The following PCM1 variants were observed in gnomAD, a reference collection of about 807,000 sequenced individuals.
PCM1 encodes the protein pericentriolar material 1 protein.
Under a neutral mutation model 241.9 loss-of-function variants are expected in PCM1, and 157 were observed. The ratio of observed to expected loss-of-function variants is 0.65; its 90% CI spans 0.57 to 0.74. The LOEUF is 0.74. PCM1 is among the 30% of genes least tolerant of loss of function. The probability of loss-of-function intolerance (pLI) is 0.00; values close to 1 mark genes in which losing one functional copy is unlikely to be tolerated. For missense variants in PCM1, 3,478 were observed against 2,360.1 expected (o/e 1.47, Z -9.81); for synonymous variants, 1,085 against 784.9 (o/e 1.38, Z -6.39).
At chr8:17,935,752 A>G (rs181007145) in intron 3 of PCM1, 46 bp downstream of exon 3, 1 of 916,970 alleles carries the variant, frequency 1.1e-6, no homozygotes, top group East Asian at 2.5e-5. Context: ...TATTAATGTT[A>G]AAATGCAGTT....
At chr8:17,945,624 A>C (rs2063503581) in intron 6 of PCM1, among the ~76,000 whole-genome samples, 1 of 152,196 alleles carries the variant, frequency 6.6e-6, no homozygotes, top group African/African-American at 2.4e-5. Flanking sequence ...TACCACAGTT[A>C]CTCATGCTCA....
At chr8:18,021,541 G>A (rs2093755154) in intron 36 of PCM1, among the ~76,000 whole-genome samples, 1 of 152,172 alleles carries the variant, frequency 6.6e-6, no homozygotes, top group Non-Finnish European at 1.5e-5. Flanking sequence ...CTTAGGAAAT[G>A]TATTTCCTTT....
At chr8:17,986,293 T>C (rs2082567548) in intron 26 of PCM1, 1 of 368,274 alleles carries the variant, frequency 2.7e-6, no homozygotes. Flanking sequence ...AAATTATGTA[T>C]GTATGATAGA....
At chr8:17,927,481 A>T (rs1261619599) in intron 2 of PCM1, 5 of 152,138 alleles carry the variant, frequency 3.3e-5, no homozygotes, top group Admixed American at 1.3e-4. Context: ...AACTGTAGTC[A>T]TAGGTATTTT....
At chr8:17,938,688 A>T in intron 4 of PCM1, 52 bp from the exon 5 acceptor site, 1 of 1,448,480 alleles carries the variant, frequency 6.9e-7, no homozygotes, top group East Asian at 2.3e-5. Flanking sequence ...TTAAAACAAA[A>T]TTTTGTCATA....
At chr8:17,990,461 G>C (rs1270198576) in intron 27 of PCM1, among the ~76,000 whole-genome samples, 1 of 149,222 alleles carries the variant, frequency 6.7e-6, no homozygotes, top group Non-Finnish European at 1.5e-5. Context: ...AAATGGTTTT[G>C]GTTGTTTTTT....
chr8:18,014,793 C>G lies in PCM1; in HGVS notation c.5794C>G (p.Leu1932Val). 6.2e-7 allele frequency: 1 copy of G among 1,606,380 alleles called. No individual in the cohort carries two copies. The highest frequency in any genetic ancestry group is 2.3e-5 in the East Asian group (1 of 44,320). Residue 1932 changes from leucine to valine, a missense_variant, in exon 36 of 39, where the codon CTG becomes GTG. Physicochemically the swap from Leu to Val is conservative, Grantham distance 32. Coordinates refer to ENST00000325083, the MANE Select transcript of PCM1 (RefSeq NM_006197.4). The stretch of plus-strand genomic sequence containing the variant: ...TGCTCAGGAAACTCCTGAAAGCTCT[C>G]TGGCTGGAAGTCCTGATACTGAATC... ...KSAQETPESS[L>V]AGSPDTESPV...
At chr8:17,962,571 C>T (rs1440890430) in intron 16 of PCM1, among the ~76,000 whole-genome samples, 1 of 151,770 alleles carries the variant, frequency 6.6e-6, no homozygotes, top group East Asian at 1.9e-4. Context: ...ATAATTTTTC[C>T]TAAATAATTT....
At chr8:18,007,336 T>C (rs2091608796) in intron 30 of PCM1, among the ~76,000 whole-genome samples, 1 of 152,204 alleles carries the variant, frequency 6.6e-6, no homozygotes, top group Non-Finnish European at 1.5e-5. Flanking sequence ...ACTGTAATTT[T>C]CCATTTTGTT....
Position 18,029,920 on chromosome 8 carries a change from C to CTGT in PCM1, c.*2260_*2262dup, listed in dbSNP as rs2094424825. On this transcript the variant is annotated 3_prime_UTR_variant, in exon 39 of 39. Coordinates refer to ENST00000325083, the MANE Select transcript of PCM1 (RefSeq NM_006197.4). ...TTGACTTTGGGTAAATGCTTTTTCA[C>CTGT]TGTTAATAAATATATATCCTGTATA... 1 of 185,662 alleles carries CTGT rather than the reference C, an allele frequency of 5.4e-6. No individual in the cohort carries two copies. Among genetic ancestry groups the CTGT allele is most frequent in the Admixed American group, 6.2e-5 (1 of 16,112 alleles). The allele number at this position is 185,662 out of a possible 1,614,324, so 11.5% of individuals were successfully genotyped here.
rs1159320364 is a variant in PCM1, at chr8:17,963,122, C to T, written c.2485C>T (p.His829Tyr). Reference sequence around the variant, plus strand: ...ATAGTTGTGGTCAGAAATGAGAAGACATGAAATGTTGAGGGAGGAGCTGCG... The same window carrying T: ...ATAGTTGTGGTCAGAAATGAGAAGATATGAAATGTTGAGGGAGGAGCTGCG... ...DNELWSEMRRHEMLREELRQR... is the reference protein window; with the variant it reads ...DNELWSEMRRYEMLREELRQR... Residue 829 changes from histidine to tyrosine, a missense_variant, in exon 17 of 39, where the codon CAT becomes TAT. Physicochemically the swap from His to Tyr is moderately conservative, Grantham distance 83. Coordinates refer to ENST00000325083, the MANE Select transcript of PCM1 (RefSeq NM_006197.4). 10 of 1,610,986 alleles carry T rather than the reference C, an allele frequency of 6.2e-6. No individual in the cohort carries two copies. The highest frequency in any genetic ancestry group is 8.5e-6 in the Non-Finnish European group (10 of 1,178,394).
intron 2 of PCM1, chr8:17,928,094 C>G (rs183058621): frequency 3.3e-5 from 5 of 152,248 alleles, no homozygotes; most frequent in Admixed American, 2.6e-4. Flanking sequence ...ACCCGTAGTA[C>G]TGTCATCAAT....
chr8:17,958,524 A>T (rs1298848716), intron 13 of PCM1, among the ~76,000 whole-genome samples: 1 of 152,190 alleles, frequency 6.6e-6, no homozygotes, highest in Admixed American at 6.5e-5. Flanking sequence ...ATATGTAATT[A>T]ACTATAATTG....
At chr8:18,017,181 TC>T (rs2093306585) in intron 36 of PCM1, among the ~76,000 whole-genome samples, 1 of 152,128 alleles carries the variant, frequency 6.6e-6, no homozygotes, top group African/African-American at 2.4e-5. Flanking sequence ...CCATGGTCTT[TC>T]CACAAAAGAT....
rs569015051 is a variant in PCM1, at chr8:17,935,395, A to G, written c.-22-194A>G. 2.0e-5 allele frequency among the ~76,000 whole-genome samples: 3 copies of G among 152,292 alleles called. No homozygotes were observed. The East Asian group carries it at 5.8e-4, about 29-fold the overall frequency. On this transcript the variant is annotated intron_variant, in intron 2 of 38. Coordinates refer to ENST00000325083, the MANE Select transcript of PCM1 (RefSeq NM_006197.4). ...TTTCCTTTCCTTCTCTGTCATTCCA[A>G]CTACCTAGCTCATTTTAATCATAAT...
intron 34 of PCM1, 40 bp from the exon 35 acceptor site, chr8:18,013,924 A>ATATT: frequency 8.2e-7 from 1 of 1,221,748 alleles, no homozygotes. Context: ...TAGTGACCAT[A>ATATT]TATTTCAGGC....
chr8:17,972,713 T>TG, intron 23 of PCM1, 26 bp downstream of exon 23: 1 of 1,392,844 alleles, frequency 7.2e-7, no homozygotes, highest in South Asian at 1.5e-5. Context: ...TGTTGAATGT[T>TG]GATCAGTGTA....
rs758873273 is a variant in PCM1 at position 17,957,792 on chromosome 8, C to T, written c.2040+17C>T. On this transcript the variant is annotated intron_variant, in intron 13 of 38. Transcript: ENST00000325083. ...ATGGTACAGGTAAATATTGCTTGGT[C>T]TTTTAAAAACCTATTTGTCAAATAG... 1 of 1,532,242 alleles carries T rather than the reference C, an allele frequency of 6.5e-7. No homozygotes were observed. The highest frequency in any genetic ancestry group is 9.0e-7 in the Non-Finnish European group (1 of 1,110,310). The allele number at this position is 1,532,242 out of a possible 1,614,324, so 94.9% of individuals were successfully genotyped here.
intron 11 of PCM1, among the ~76,000 whole-genome samples, chr8:17,957,036 GTCTTTT>G (rs1017995343): frequency 6.6e-6 from 1 of 152,092 alleles, no homozygotes; most frequent in Non-Finnish European, 1.5e-5. Context: ...GCATTTTGCT[GTCTTTT>G]TCTTTTTAGG....
Sources: allele counts gnomAD v4.1 joint callset (sites outside exome capture counted in the v4.1 genomes callset), GRCh38; gene constraint gnomAD v4.1.1; transcripts MANE v1.5; gene names NCBI Gene and HGNC (gene_info 2026-07-23, HGNC 2026-07-21).